The following WLS variants were observed in gnomAD, a reference collection of about 807,000 sequenced individuals.
The protein encoded by WLS is Wnt ligand secretion mediator.
WLS carries 23 observed loss-of-function variants against 62.8 expected under a neutral mutation model. The ratio of observed to expected loss-of-function variants is 0.37; its 90% CI spans 0.26 to 0.52. WLS has a LOEUF of 0.52. Ranked by LOEUF, WLS falls within the 20% of genes least tolerant of loss-of-function variation. WLS has a pLI of 0.92. For synonymous variants in WLS, 246 were observed against 244.1 expected (o/e 1.01, Z -0.07); for missense variants, 615 against 697.3 (o/e 0.88, Z 1.33).
intron 1 of WLS, among the ~76,000 whole-genome samples, chr1:68,226,734 A>C (rs1571042023): frequency 6.6e-6 from 1 of 152,242 alleles, no homozygotes; most frequent in African/African-American, 2.4e-5. Context: ...CCCCATCCTG[A>C]GCACACAGTA....
At chr1:68,162,209 G>A (rs114890255) in intron 2 of WLS, 42,434 of 1,452,858 alleles carry the variant, frequency 0.029, 789 homozygotes, top group African/African-American at 0.074. Context: ...CGCACATAGA[G>A]GGCTGCCCCT....
At chr1:68,117,664 AG>A (rs1646310093) in intron 11 of WLS, 2 of 152,272 alleles carry the variant, frequency 1.3e-5, no homozygotes, top group African/African-American at 4.8e-5. Context: ...TCTGTGCTGC[AG>A]TGGACGCTTA....
chr1:68,203,670 GAGA>G, intron 1 of WLS, among the ~76,000 whole-genome samples: 1 of 152,180 alleles, frequency 6.6e-6, no homozygotes, highest in East Asian at 1.9e-4. Context: ...TGTTAGCCTA[GAGA>G]AGATCTGACT....
chr1:68,227,782 A>G (rs1650225905), intron 1 of WLS, among the ~76,000 whole-genome samples: 1 of 152,192 alleles, frequency 6.6e-6, no homozygotes, highest in Non-Finnish European at 1.5e-5. Flanking sequence ...TTCTCACCAG[A>G]CACCCAAATA....
At chr1:68,114,004 C>T (rs187751104) in intron 11 of WLS, among the ~76,000 whole-genome samples, 80 of 152,316 alleles carry the variant, frequency 5.3e-4, no homozygotes, top group Admixed American at 2.5e-3. Flanking sequence ...AACAAATCAC[C>T]GACTGTAATC....
At chr1:68,231,735 C>T (rs1571051761) in intron 1 of WLS, 1 of 463,944 alleles carries the variant, frequency 2.2e-6, no homozygotes, top group South Asian at 1.5e-5. Flanking sequence ...AACAGAGCTC[C>T]GGGTTTGCGC....
intron 2 of WLS, among the ~76,000 whole-genome samples, chr1:68,163,404 C>A (rs902911138): frequency 2.0e-5 from 3 of 151,912 alleles, no homozygotes; most frequent in South Asian, 2.1e-4. Flanking sequence ...CCCCACCCTG[C>A]GGCGGTGGCG....
At chr1:68,202,541 C>T (rs1254619234) in intron 1 of WLS, 1 of 152,098 alleles carries the variant, frequency 6.6e-6, no homozygotes, top group African/African-American at 2.4e-5. Flanking sequence ...CTCAAAACAG[C>T]AAAAATTAAA....
At chr1:68,143,858 TTAAGTAATC>T (rs1380976243) in intron 10 of WLS, among the ~76,000 whole-genome samples, 3 of 152,212 alleles carry the variant, frequency 2.0e-5, no homozygotes, top group African/African-American at 7.2e-5. Flanking sequence ...CTTAGAACTG[TTAAGTAATC>T]CATCCACAGT....
chr1:68,140,677 T>C (rs1447261002), intron 10 of WLS, among the ~76,000 whole-genome samples: 3 of 152,164 alleles, frequency 2.0e-5, no homozygotes, highest in African/African-American at 7.2e-5. Context: ...CCCTACTGAA[T>C]GTGCAATCTG....
intron 1 of WLS, among the ~76,000 whole-genome samples, chr1:68,209,652 T>A (rs1649430283): frequency 6.6e-6 from 1 of 152,088 alleles, no homozygotes. Context: ...TGGTGGCGCA[T>A]GCCTGTAATC....
In WLS at chr1:68,232,397, T is replaced by C. The variant is rs923956037; in HGVS notation, c.-98A>G. On this transcript the variant is annotated 5_prime_UTR_variant, in exon 1 of 12. Coordinates refer to ENST00000262348, the MANE Select transcript of WLS (RefSeq NM_024911.7). The stretch of plus-strand genomic sequence containing the variant: ...CACACTCCCTCCTTCCTCGCCTCCT[T>C]TCTGGGCGCTGCAAAACTTCAGAGG... 4.6e-5 allele frequency: 68 copies of C among 1,478,804 alleles called. No individual in the cohort carries two copies. Among genetic ancestry groups the C allele is most frequent in the Non-Finnish European group, 5.8e-5 (65 of 1,111,686 alleles). 91.6% of individuals were successfully genotyped at this position (1,478,804 alleles called of 1,614,324 possible).
intron 11 of WLS, among the ~76,000 whole-genome samples, chr1:68,116,248 A>G (rs1030687503): frequency 3.3e-5 from 5 of 152,228 alleles, no homozygotes; most frequent in Non-Finnish European, 7.3e-5. Context: ...AGGGAGGAAG[A>G]GGACAGGGAC....
chr1:68,126,167 C>T lies in WLS; in HGVS notation c.*59G>A, dbSNP rs1646427112. 1.9e-6 allele frequency: 3 copies of T among 1,601,952 alleles called. No individual in the cohort carries two copies. The highest frequency in any genetic ancestry group is 2.6e-6 in the Non-Finnish European group (3 of 1,174,118). ...ATTGAGCTCTCTCTGGCATGCTCCC[C>T]ACTCTAGTTAGAGGGGCTGGGGTAT... On this transcript the variant is annotated 3_prime_UTR_variant, in exon 12 of 12. Coordinates refer to ENST00000262348, the MANE Select transcript of WLS (RefSeq NM_024911.7).
intron 1 of WLS, among the ~76,000 whole-genome samples, chr1:68,213,161 G>A (rs1175878596): frequency 1.9e-4 from 29 of 152,118 alleles, no homozygotes; most frequent in Admixed American, 1.6e-3. Context: ...AAAGACAAGA[G>A]GAAGTAAAGC....
intron 6 of WLS, among the ~76,000 whole-genome samples, chr1:68,149,505 G>A (rs773606573): frequency 1.3e-5 from 2 of 152,166 alleles, no homozygotes; most frequent in Non-Finnish European, 2.9e-5. Flanking sequence ...GAGCCATAAT[G>A]GAATTTAAAA....
downstream of WLS, among the ~76,000 whole-genome samples, chr1:68,120,376 G>A (rs1646348649): frequency 6.6e-6 from 1 of 152,212 alleles, no homozygotes; most frequent in South Asian, 2.1e-4. Context: ...CATTCATGGA[G>A]GTGAAGAGCT....
chr1:68,110,007 TAAAAAAAAAAAAAAAAAAAA>T (rs11290966), intron 11 of WLS, among the ~76,000 whole-genome samples: 1 of 28,456 alleles, frequency 3.5e-5, no homozygotes, highest in African/African-American at 1.6e-4. Flanking sequence ...ACACAAAAAG[TAAAAAAAAAAAAAAAAAAAA>T]AAAAAAAATA....
At chr1:68,200,934 A>C (rs1340255827) in intron 1 of WLS, among the ~76,000 whole-genome samples, 1 of 152,148 alleles carries the variant, frequency 6.6e-6, no homozygotes, top group Non-Finnish European at 1.5e-5. Context: ...GAAAAGAGGG[A>C]GAAAGGGAAC....
Sources: gnomAD v4.1 joint callset for allele counts (sites outside exome capture counted in the v4.1 genomes callset) on GRCh38, gnomAD v4.1.1 for gene constraint, MANE v1.5 for transcripts, NCBI Gene and HGNC (gene_info 2026-07-23, HGNC 2026-07-21) for gene names.